STK39: variants seen among roughly 807,000 people sequenced by gnomAD.
The protein encoded by STK39 is serine/threonine kinase 39.
A neutral mutation model predicts 77.8 loss-of-function variants in STK39; 20 were observed. That is an observed-to-expected ratio of 0.26 (90% CI 0.18 to 0.37). The LOEUF is 0.37. Ranked by LOEUF, STK39 falls within the 10% of genes least tolerant of loss-of-function variation. The pLI is 1.00. For missense variants in STK39, 479 were observed against 656.5 expected (o/e 0.73, Z 2.95); for synonymous variants, 246 against 234.1 (o/e 1.05, Z -0.47).
chr2:168,055,738 A>G (rs778568207), intron 14 of STK39, among the ~76,000 whole-genome samples: 3 of 152,256 alleles, frequency 2.0e-5, no homozygotes, highest in African/African-American at 4.8e-5. Context: ...ACCATTTTCC[A>G]AATCACTGAG....
At chr2:168,198,876 C>T (rs1346440036) in intron 1 of STK39, among the ~76,000 whole-genome samples, 1 of 152,208 alleles carries the variant, frequency 6.6e-6, no homozygotes, top group East Asian at 1.9e-4. Flanking sequence ...AGAACTGTAT[C>T]TATAACATAC....
At chr2:167,976,008 T>A (rs2105259474) in intron 16 of STK39, among the ~76,000 whole-genome samples, 1 of 152,312 alleles carries the variant, frequency 6.6e-6, no homozygotes, top group South Asian at 2.1e-4. Context: ...AAATTCTGCT[T>A]CCTTTATTCC....
intron 14 of STK39, among the ~76,000 whole-genome samples, chr2:168,018,592 A>AAGAAAGAAAGAAAG (rs1161581268): frequency 6.7e-6 from 1 of 149,804 alleles, no homozygotes; most frequent in African/African-American, 2.4e-5. Flanking sequence ...GAAAGAAAGA[A>AAGAAAGAAAGAAAG]AGAAAGAAAT....
At chr2:167,999,178 A>T (rs748537329) in intron 16 of STK39, among the ~76,000 whole-genome samples, 5 of 152,160 alleles carry the variant, frequency 3.3e-5, no homozygotes, top group Non-Finnish European at 7.3e-5. Flanking sequence ...TTATTTCTAC[A>T]CATGCCTATC....
intron 5 of STK39, among the ~76,000 whole-genome samples, chr2:168,152,859 T>C (rs538227987): frequency 6.6e-6 from 1 of 152,194 alleles, no homozygotes; most frequent in Non-Finnish European, 1.5e-5. Context: ...AAATTTCCAA[T>C]GCAATATTCA....
At chr2:168,109,021 C>A (rs1687053142) in intron 10 of STK39, among the ~76,000 whole-genome samples, 1 of 152,150 alleles carries the variant, frequency 6.6e-6, no homozygotes, top group Non-Finnish European at 1.5e-5. Flanking sequence ...GGAAACTGAG[C>A]TTTGAAGAGG....
At chr2:167,985,167 G>A (rs967922722) in intron 16 of STK39, among the ~76,000 whole-genome samples, 18 of 152,122 alleles carry the variant, frequency 1.2e-4, no homozygotes, top group African/African-American at 3.6e-4. Context: ...TATATTAGTT[G>A]CGCTAATTGA....
Position 168,061,278 on chromosome 2 carries a change from T to C in STK39, c.1376+2222A>G, listed in dbSNP as rs369766242. On this transcript the variant is annotated intron_variant, in intron 14 of 17. Coordinates refer to ENST00000355999, the MANE Select transcript of STK39 (RefSeq NM_013233.3). The stretch of plus-strand genomic sequence containing the variant: ...AAAACCACATTATCTTAATACTGTA[T>C]TCCAGCTGCTCAGACCACATCTGGA... 1.3e-4 allele frequency among the ~76,000 whole-genome samples: 20 copies of C among 151,624 alleles called. 1 individual carries two copies. The highest frequency in any genetic ancestry group is 1.0e-3 in the Admixed American group (16 of 15,256).
intron 10 of STK39, among the ~76,000 whole-genome samples, chr2:168,105,100 T>C: frequency 6.6e-6 from 1 of 152,204 alleles, no homozygotes; most frequent in East Asian, 1.9e-4. Context: ...TTTGAGCAGA[T>C]AAACAACATG....
rs952172299 is a variant in STK39, at chr2:167,978,098, G to C, written c.1499-13372C>G. Among the ~76,000 whole-genome samples the C allele has an allele frequency of 2.7e-4, 41 of 152,218 alleles. 1 individual carries two copies. Among genetic ancestry groups the C allele is most frequent in the Non-Finnish European group, 8.8e-5 (6 of 68,018 alleles). On this transcript the variant is annotated intron_variant, in intron 16 of 17. Coordinates refer to ENST00000355999, the MANE Select transcript of STK39 (RefSeq NM_013233.3). The stretch of plus-strand genomic sequence containing the variant: ...ATGCCAGCTGGTGCACTGAGTGCAG[G>C]GTCTGCAAAATATCTCAAGCACCGA...
chr2:168,120,323 C>T (rs374493435), intron 10 of STK39, among the ~76,000 whole-genome samples: 2 of 152,228 alleles, frequency 1.3e-5, no homozygotes, highest in East Asian at 3.8e-4. Flanking sequence ...TCCCCCTTCA[C>T]ATGTCCCCCA....
chr2:168,184,866 T>G (rs1689169393), intron 1 of STK39, among the ~76,000 whole-genome samples: 1 of 152,236 alleles, frequency 6.6e-6, no homozygotes, highest in Non-Finnish European at 1.5e-5. Flanking sequence ...CTGCTAGTAC[T>G]AGATTAGGAT....
At chr2:167,994,462 A>G (rs1683780916) in intron 16 of STK39, among the ~76,000 whole-genome samples, 1 of 152,226 alleles carries the variant, frequency 6.6e-6, no homozygotes, top group African/African-American at 2.4e-5. Context: ...ATAGCATAAA[A>G]TCAACTCTTT....
At chr2:168,103,659 T>A (rs1686895698) in intron 10 of STK39, among the ~76,000 whole-genome samples, 1 of 152,116 alleles carries the variant, frequency 6.6e-6, no homozygotes, top group Admixed American at 6.5e-5. Context: ...CTCTTTAACA[T>A]TTTTTTTCTT....
chr2:167,960,237 C>G (rs1309656725), intron 17 of STK39, among the ~76,000 whole-genome samples: 1 of 152,070 alleles, frequency 6.6e-6, no homozygotes, highest in Non-Finnish European at 1.5e-5. Context: ...ACAAACAAAC[C>G]TTGTTAAACT....
At chr2:167,997,206 A>G (rs939265924) in intron 16 of STK39, among the ~76,000 whole-genome samples, 3 of 151,894 alleles carry the variant, frequency 2.0e-5, no homozygotes, top group Admixed American at 2.0e-4. Context: ...CTTGTGGACT[A>G]TAAGTAGGAC....
chr2:168,199,762 C>T lies in STK39; in HGVS notation c.209-17672G>A, dbSNP rs370409665. On this transcript the variant is annotated intron_variant, in intron 1 of 17. Transcript: ENST00000355999. The stretch of plus-strand genomic sequence containing the variant: ...ACTCCTGACCTTGTGATCCGCCCAC[C>T]TCGGCCTCCCAAAGTGCTGGGATTA... Among the ~76,000 whole-genome samples, 477 of 152,258 alleles carry T rather than the reference C, an allele frequency of 3.1e-3. 1 individual carries two copies. Among genetic ancestry groups the T allele is most frequent in the Non-Finnish European group, 5.2e-3 (354 of 68,016 alleles).
chr2:168,156,008 G>A lies in STK39; in HGVS notation c.628+5779C>T, dbSNP rs1347899400. On this transcript the variant is annotated intron_variant, in intron 5 of 17. Transcript: ENST00000355999. ...TGGGAATGCTGCGATGAACAACACAGTTTCTCCCTCTGGGAAGTATCCAGT... is the reference window on the plus strand; with the variant it reads ...TGGGAATGCTGCGATGAACAACACAATTTCTCCCTCTGGGAAGTATCCAGT... 5.9e-5 allele frequency among the ~76,000 whole-genome samples: 9 copies of A among 152,286 alleles called. No individual in the cohort carries two copies. In the South Asian group the frequency reaches 1.7e-3, roughly 28 times the overall value.
rs193260987 is a variant in STK39, at chr2:168,169,555, C to T, written c.322-2148G>A. On this transcript the variant is annotated intron_variant, in intron 2 of 17. Coordinates refer to ENST00000355999, the MANE Select transcript of STK39 (RefSeq NM_013233.3). ...GGTTGAGTCAGTCTAGAAAAACACA[C>T]TTTTTAGCCCTTTGCATTTAGATGG... 8.8e-3 allele frequency among the ~76,000 whole-genome samples: 1,346 copies of T among 152,106 alleles called. 62 individuals carry two copies. The highest frequency in any genetic ancestry group is 0.082 in the Admixed American group (1,255 of 15,270).
Sources: allele counts gnomAD v4.1 joint callset (sites outside exome capture counted in the v4.1 genomes callset), GRCh38; gene constraint gnomAD v4.1.1; transcripts MANE v1.5; gene names NCBI Gene and HGNC (gene_info 2026-07-23, HGNC 2026-07-21).